The following ZFR variants were observed in gnomAD, a reference collection of about 807,000 sequenced individuals.
The protein encoded by ZFR is zinc finger RNA-binding protein.
Under a neutral mutation model 130.7 loss-of-function variants are expected in ZFR, and 19 were observed. The ratio of observed to expected loss-of-function variants is 0.15; its 90% CI spans 0.10 to 0.21. The LOEUF (loss-of-function observed/expected upper bound fraction) is 0.21, where lower values mean the gene tolerates loss of function less well. Among genes scored for constraint, ZFR ranks in the 10% least tolerant of loss-of-function variants. The probability of loss-of-function intolerance (pLI) is 1.00; values close to 1 mark genes in which losing one functional copy is unlikely to be tolerated. For synonymous variants in ZFR, 466 were observed against 456.9 expected (o/e 1.02, Z -0.25); for missense variants, 872 against 1,321.5 (o/e 0.66, Z 5.27).
intron 2 of ZFR, among the ~76,000 whole-genome samples, chr5:32,441,224 G>T (rs865968980): frequency 1.3e-5 from 2 of 152,154 alleles, no homozygotes; most frequent in African/African-American, 4.8e-5. Flanking sequence ...TGATACACCC[G>T]CCTTAGCCTC....
chr5:32,404,389 A>G (rs1753533863), intron 6 of ZFR, among the ~76,000 whole-genome samples: 1 of 152,200 alleles, frequency 6.6e-6, no homozygotes, highest in Non-Finnish European at 1.5e-5. Context: ...GCTTATATAA[A>G]TGTTGGACAG....
intron 4 of ZFR, among the ~76,000 whole-genome samples, chr5:32,416,002 G>A (rs977367741): frequency 1.3e-5 from 2 of 151,446 alleles, no homozygotes; most frequent in Admixed American, 6.6e-5. Flanking sequence ...GTCCCACTCT[G>A]TTGCCCAGGC....
rs751237855 is a variant in ZFR at position 32,355,756 on chromosome 5, CTT to C, written c.*2_*3del. 6.4e-7 allele frequency: 1 copy of C among 1,571,590 alleles called. No homozygotes were observed. Among genetic ancestry groups the C allele is most frequent in the Non-Finnish European group, 8.6e-7 (1 of 1,163,290 alleles). On this transcript the variant is annotated 3_prime_UTR_variant, in exon 20 of 20. Coordinates refer to ENST00000265069, the MANE Select transcript of ZFR (RefSeq NM_016107.5). ...TTTTAACACTGAAGATTTACAGACA[CTT>C]TTTAAAAGTTATCATAATCTTTTTT...
rs1270822311 is a variant in ZFR at position 32,383,641 on chromosome 5, C to T, written c.2641+1867G>A. On this transcript the variant is annotated intron_variant, in intron 15 of 19. Coordinates refer to ENST00000265069, the MANE Select transcript of ZFR (RefSeq NM_016107.5). ...CGCAAGTAGTAACTCTCATGATTTA[C>T]AATTGTTCTTCCGGCAAAGCCTTCC... 6 of 368,432 alleles carry T rather than the reference C, an allele frequency of 1.6e-5. No homozygotes were observed. The East Asian group carries it at 2.2e-4, about 14-fold the overall frequency. The allele number at this position is 368,432 out of a possible 1,614,324, so 22.8% of individuals were successfully genotyped here. A position where few individuals can be genotyped will look rare whatever the true frequency, so the allele number is the denominator to read the frequency against.
intron 12 of ZFR, among the ~76,000 whole-genome samples, chr5:32,389,134 G>A (rs529630479): frequency 1.9e-4 from 29 of 152,238 alleles, no homozygotes; most frequent in African/African-American, 6.3e-4. Flanking sequence ...TACACAAGAT[G>A]TCCCTTTTAC....
intron 16 of ZFR, 58 bp from the exon 17 acceptor site, chr5:32,379,268 T>C (rs1752888929): frequency 4.7e-6 from 7 of 1,476,546 alleles, no homozygotes; most frequent in East Asian, 2.3e-5. Context: ...ATATATCCCT[T>C]GATGAAAAAA....
chr5:32,356,596 T>C (rs1752315300), intron 19 of ZFR, among the ~76,000 whole-genome samples: 1 of 151,878 alleles, frequency 6.6e-6, no homozygotes, highest in Non-Finnish European at 1.5e-5. Flanking sequence ...TTTTTTTGTA[T>C]TTTTAGTAGA....
intron 2 of ZFR, among the ~76,000 whole-genome samples, chr5:32,420,492 T>TTTG (rs755252806): frequency 3.5e-4 from 54 of 152,308 alleles, no homozygotes; most frequent in Non-Finnish European, 6.9e-4. Flanking sequence ...GTTGTACAGT[T>TTTG]TTACAAATCT....
intron 17 of ZFR, chr5:32,364,690 T>C (rs1015345115): frequency 2.0e-5 from 3 of 152,684 alleles, no homozygotes; most frequent in Non-Finnish European, 2.9e-5. Flanking sequence ...TAAGCTGAGA[T>C]TGCGCCATTG....
rs1561883563 is a variant in ZFR at position 32,391,521 on chromosome 5, TA to T, written c.1980-1085del. The stretch of plus-strand genomic sequence containing the variant: ...TTTACTGACCAACATATGCGAAATC[TA>T]CTCTTTTTTTTTTTTTTTTTTTACC... On this transcript the variant is annotated intron_variant, in intron 11 of 19. Transcript: ENST00000265069. Among the ~76,000 whole-genome samples the T allele has an allele frequency of 2.6e-3, 322 of 121,760 alleles. 1 individual carries two copies. Among genetic ancestry groups the T allele is most frequent in the African/African-American group, 8.1e-3 (292 of 36,180 alleles). The allele number at this position is 121,760 out of a possible 152,430, so 79.9% of individuals were successfully genotyped here. A position where few individuals can be genotyped will look rare whatever the true frequency, so the allele number is the denominator to read the frequency against.
At chr5:32,389,569 C>T (rs1246309961) in intron 12 of ZFR, among the ~76,000 whole-genome samples, 1 of 152,122 alleles carries the variant, frequency 6.6e-6, no homozygotes. Context: ...TGTGTACCGG[C>T]TACTCGGGAA....
intron 10 of ZFR, among the ~76,000 whole-genome samples, chr5:32,396,761 C>G (rs1165389057): frequency 6.6e-6 from 1 of 151,896 alleles, no homozygotes; most frequent in Non-Finnish European, 1.5e-5. Flanking sequence ...AAAAAAACTT[C>G]AAATACAATA....
At chr5:32,364,559 C>CA (rs35884057) in intron 17 of ZFR, 28,300 of 161,568 alleles carry the variant, frequency 0.18, 2,705 homozygotes, top group East Asian at 0.21. Context: ...CCCGTCTCTA[C>CA]AAAAAAAACC....
In ZFR at chr5:32,444,676, GCTGAACT is replaced by G; in HGVS notation, c.-25_-19del. The stretch of plus-strand genomic sequence containing the variant: ...GGAATCATGGGCTCGGGCTGCTGCT[GCTGAACT>G]CTGAACTCTCACCCGCTGCCTCCCT... On this transcript the variant is annotated 5_prime_UTR_variant, in exon 1 of 20. Transcript: ENST00000265069. 1 of 1,508,412 alleles carries G rather than the reference GCTGAACT, an allele frequency of 6.6e-7. No individual in the cohort carries two copies. Among genetic ancestry groups the G allele is most frequent in the Non-Finnish European group, 8.9e-7 (1 of 1,128,318 alleles). 93.4% of individuals were successfully genotyped at this position (1,508,412 alleles called of 1,614,324 possible). A position where few individuals can be genotyped will look rare whatever the true frequency, so the allele number is the denominator to read the frequency against.
intron 16 of ZFR, 158 bp downstream of exon 16, chr5:32,379,917 A>T (rs1164161811): frequency 7.1e-6 from 4 of 563,112 alleles, no homozygotes; most frequent in African/African-American, 3.7e-5. Context: ...TATGCAGATC[A>T]TCATACCCAG....
At chr5:32,397,849 C>CTTTTTTTTTTTTTTTT (rs70961626) in intron 9 of ZFR, among the ~76,000 whole-genome samples, 4 of 66,878 alleles carry the variant, frequency 6.0e-5, no homozygotes, top group African/African-American at 2.5e-4. Flanking sequence ...GCTCTTGTAT[C>CTTTTTTTTTTTTTTTT]TTTTTTTTTT....
intron 19 of ZFR, among the ~76,000 whole-genome samples, chr5:32,362,902 C>T (rs1752467628): frequency 6.6e-6 from 1 of 152,094 alleles, no homozygotes; most frequent in Admixed American, 6.6e-5. Flanking sequence ...TTTCTTTTCC[C>T]TTAAATTTAT....
Position 32,397,164 on chromosome 5 carries a change from T to C in ZFR, c.1833+55A>G, listed in dbSNP as rs1581696284. 40 of 1,544,566 alleles carry C rather than the reference T, an allele frequency of 2.6e-5. No individual in the cohort carries two copies. In the East Asian group the frequency reaches 7.8e-4, roughly 30 times the overall value. Reference sequence around the variant, plus strand: ...TCTTTTACATAAAGAATGCTCTGGGTGTTTTTGTTTTTGTTTTTTGTTTTA... The same window carrying C: ...TCTTTTACATAAAGAATGCTCTGGGCGTTTTTGTTTTTGTTTTTTGTTTTA... On this transcript the variant is annotated intron_variant, in intron 10 of 19. Coordinates refer to ENST00000265069, the MANE Select transcript of ZFR (RefSeq NM_016107.5).
chr5:32,427,214 C>T (rs1006665713), intron 2 of ZFR, among the ~76,000 whole-genome samples: 19 of 151,410 alleles, frequency 1.3e-4, no homozygotes, highest in African/African-American at 3.1e-4. Flanking sequence ...TATAGTGAGA[C>T]CTCATCTGTA....
Sources: allele counts gnomAD v4.1 joint callset (sites outside exome capture counted in the v4.1 genomes callset), GRCh38; gene constraint gnomAD v4.1.1; transcripts MANE v1.5; gene names NCBI Gene and HGNC (gene_info 2026-07-23, HGNC 2026-07-21).